The following ARHGAP6 variants were observed in gnomAD, a reference collection of about 807,000 sequenced individuals.
ARHGAP6 encodes the protein rho GTPase-activating protein 6.
ARHGAP6 carries 16 observed loss-of-function variants against 55.7 expected under a neutral mutation model. That is an observed-to-expected ratio of 0.29 (90% CI 0.19 to 0.44). The LOEUF is 0.44. ARHGAP6 is among the 20% of genes least tolerant of loss of function. ARHGAP6 has a pLI of 1.00. For missense variants in ARHGAP6, 698 were observed against 808.9 expected, an observed-to-expected ratio of 0.86 and a Z score of 1.66; for synonymous variants, 382 against 360.9, an observed-to-expected ratio of 1.06 and a Z score of -0.66.
intron 1 of ARHGAP6, among the ~76,000 whole-genome samples, chrX:11,442,096 A>G (rs1254782680): frequency 1.8e-5 from 2 of 111,666 alleles, no homozygotes; most frequent in African/African-American, 6.5e-5. Context: ...AGTTATTTAA[A>G]TTTCATTTAC....
At chrX:11,330,954 A>G (rs2048556305) in intron 1 of ARHGAP6, among the ~76,000 whole-genome samples, 1 of 111,567 alleles carries the variant, frequency 9.0e-6, no homozygotes, top group East Asian at 2.8e-4. Context: ...TCTCAAAATG[A>G]AGACTGCTGC....
intron 1 of ARHGAP6, chrX:11,335,893 G>A (rs1425902084): frequency 6.0e-6 from 1 of 166,470 alleles, no homozygotes; most frequent in Non-Finnish European, 1.1e-5. Flanking sequence ...GGCTGGAGTG[G>A]AGCAGGGCCG....
intron 1 of ARHGAP6, among the ~76,000 whole-genome samples, chrX:11,521,024 A>G (rs1439519298): frequency 9.0e-6 from 1 of 111,347 alleles, no homozygotes; most frequent in Non-Finnish European, 1.9e-5. Flanking sequence ...TTTCTTGTAA[A>G]TTTGTTTGAG....
chrX:11,481,552 A>T (rs1603227300), intron 1 of ARHGAP6, among the ~76,000 whole-genome samples: 1 of 112,643 alleles, frequency 8.9e-6, no homozygotes, highest in African/African-American at 3.2e-5. Flanking sequence ...GAATACAGTA[A>T]TGCAGGCATT....
intron 2 of ARHGAP6, among the ~76,000 whole-genome samples, chrX:11,218,330 C>T (rs1310118850): frequency 9.0e-6 from 1 of 111,696 alleles, no homozygotes; most frequent in Non-Finnish European, 1.9e-5. Flanking sequence ...AATATTGATT[C>T]TTCGTAACCA....
chrX:11,571,093 T>C (rs2051509887), intron 1 of ARHGAP6, among the ~76,000 whole-genome samples: 3 of 112,026 alleles, frequency 2.7e-5, no homozygotes, highest in Admixed American at 1.9e-4. Flanking sequence ...GTCTTGATCT[T>C]GGACTTCCCA....
At chrX:11,143,452 G>A in intron 11 of ARHGAP6, 1 of 556,728 alleles carries the variant, frequency 1.8e-6, no homozygotes, top group African/African-American at 2.5e-5. Flanking sequence ...AAGCTCAATC[G>A]CTCACTGGAG....
At chrX:11,538,155 A>G (rs1040859525) in intron 1 of ARHGAP6, among the ~76,000 whole-genome samples, 3 of 112,212 alleles carry the variant, frequency 2.7e-5, no homozygotes, top group Admixed American at 9.5e-5. Context: ...TACAAACAAG[A>G]GAAACAAAAA....
At chrX:11,294,657 C>A in intron 1 of ARHGAP6, 1 of 775,719 alleles carries the variant, frequency 1.3e-6, no homozygotes, top group Non-Finnish European at 2.0e-6. Flanking sequence ...AATTCACAAA[C>A]AATGGCTCCA....
At chrX:11,143,762 G>A in intron 11 of ARHGAP6, 1 of 1,138,561 alleles carries the variant, frequency 8.8e-7, no homozygotes, top group Non-Finnish European at 1.2e-6. Flanking sequence ...CTTGGAGTGT[G>A]GCCTGCAGGG....
At chrX:11,301,754 A>T in intron 1 of ARHGAP6, among the ~76,000 whole-genome samples, 1 of 112,362 alleles carries the variant, frequency 8.9e-6, no homozygotes, top group Non-Finnish European at 1.9e-5. Context: ...TGGTGAAAAG[A>T]GCAAGGCCCC....
At chrX:11,411,385 T>C (rs1383673489) in intron 1 of ARHGAP6, among the ~76,000 whole-genome samples, 1 of 107,083 alleles carries the variant, frequency 9.3e-6, no homozygotes, top group African/African-American at 3.4e-5. Context: ...AATTTATGCA[T>C]TTTATGTGTA....
chrX:11,162,706 T>G (rs17321440), intron 9 of ARHGAP6, among the ~76,000 whole-genome samples: 3 of 79,676 alleles, frequency 3.8e-5, no homozygotes, highest in African/African-American at 1.3e-4. Flanking sequence ...TTCTCTCTAC[T>G]TATCAGTGGT....
intron 2 of ARHGAP6, among the ~76,000 whole-genome samples, chrX:11,233,177 T>C (rs761704358): frequency 1.8e-5 from 2 of 112,665 alleles, no homozygotes; most frequent in East Asian, 5.5e-4. Flanking sequence ...TTTTCACTAA[T>C]TAACCAGTTA....
chrX:11,321,523 T>G (rs2048432359), intron 1 of ARHGAP6, among the ~76,000 whole-genome samples: 1 of 111,763 alleles, frequency 8.9e-6, no homozygotes, highest in African/African-American at 3.3e-5. Context: ...ACATCTAAAT[T>G]TGCTGGCTCT....
intron 1 of ARHGAP6, among the ~76,000 whole-genome samples, chrX:11,514,123 T>C (rs976714540): frequency 2.0e-4 from 19 of 96,629 alleles, no homozygotes; most frequent in Non-Finnish European, 3.7e-4. Flanking sequence ...GATTTTGCCA[T>C]TGTACTCTAG....
intron 1 of ARHGAP6, among the ~76,000 whole-genome samples, chrX:11,344,998 T>C (rs1468673879): frequency 8.9e-6 from 1 of 112,413 alleles, no homozygotes; most frequent in Non-Finnish European, 1.9e-5. Flanking sequence ...AATAATGTAC[T>C]TTTCAAAGTT....
intron 1 of ARHGAP6, among the ~76,000 whole-genome samples, chrX:11,376,534 G>A (rs2049203128): frequency 8.9e-6 from 1 of 112,916 alleles, no homozygotes; most frequent in African/African-American, 3.2e-5. Flanking sequence ...CCTCCCAAAG[G>A]AACCCTGCTG....
At chrX:11,371,330 C>T (rs73498721) in intron 1 of ARHGAP6, among the ~76,000 whole-genome samples, 8 of 111,981 alleles carry the variant, frequency 7.1e-5, no homozygotes, top group Non-Finnish European at 1.3e-4. Context: ...TTGGAACCAG[C>T]CATGCACATT....
Sources: gnomAD v4.1 joint callset for allele counts (sites outside exome capture counted in the v4.1 genomes callset) on GRCh38, gnomAD v4.1.1 for gene constraint, MANE v1.5 for transcripts, NCBI Gene and HGNC (gene_info 2026-07-23, HGNC 2026-07-21) for gene names.